FAAP100: variants seen among roughly 807,000 people sequenced by gnomAD.
FAAP100 encodes the protein Fanconi anemia core complex-associated protein 100.
In FAAP100, 46 loss-of-function variants were observed where a neutral mutation model predicts 65.8. That is an observed-to-expected ratio of 0.70 (90% CI 0.55 to 0.89). The LOEUF is 0.89. Ranked by LOEUF, FAAP100 falls within the 40% of genes least tolerant of loss-of-function variation. FAAP100 has a pLI of 0.00. For synonymous variants in FAAP100, 663 were observed against 555.1 expected, an observed-to-expected ratio of 1.19 and a Z score of -2.73; for missense variants, 1,165 against 1,196.7, an observed-to-expected ratio of 0.97 and a Z score of 0.39.
At chr17:81,541,015 TG>T in intron 8 of FAAP100, 65 bp from the exon 9 acceptor site, 2 of 1,481,614 alleles carry the variant, frequency 1.3e-6, no homozygotes. Context: ...TGGGTACCTC[TG>T]GGGGACCCAC....
intron 5 of FAAP100, 70 bp from the exon 6 acceptor site, chr17:81,545,952 G>T: frequency 6.5e-7 from 1 of 1,528,900 alleles, no homozygotes; most frequent in South Asian, 1.2e-5. Flanking sequence ...CCTACCAGGT[G>T]GGCATCTGCA....
At chr17:81,549,508 A>G in intron 3 of FAAP100, 146 bp from the exon 4 acceptor site, 1 of 1,076,132 alleles carries the variant, frequency 9.3e-7, no homozygotes, top group South Asian at 1.7e-5. Flanking sequence ...CCCAAGGCAA[A>G]TGCACTGTCC....
At chr17:81,545,611 C>T in intron 6 of FAAP100, 135 bp downstream of exon 6, 1 of 1,248,036 alleles carries the variant, frequency 8.0e-7, no homozygotes, top group Non-Finnish European at 1.1e-6. Flanking sequence ...ACTGTCATAT[C>T]AGAGTCCTCC....
At position 81,552,271 on chromosome 17, in the gene FAAP100, G is replaced by T; in HGVS notation, c.60C>A (p.Gly20=). The change falls in exon 1 of 9, where the codon GGC becomes GGA. Residue 20 remains glycine, a synonymous_variant. Transcript: ENST00000327787. ...YLAGFCCPLG[G]LAAGKPRVLC... ...GCACGCGGGGCTTGCCCGCCGCCAG[G>T]CCCCCGAGAGGGCAGCAGAAGCCCG... 6.8e-7 allele frequency: 1 copy of T among 1,477,430 alleles called. No individual in the cohort carries two copies. The highest frequency in any genetic ancestry group is 8.9e-7 in the Non-Finnish European group (1 of 1,121,298). The allele number at this position is 1,477,430 out of a possible 1,614,324, so 91.5% of individuals were successfully genotyped here.
At chr17:81,549,464 G>A (rs1247860365) in intron 3 of FAAP100, 102 bp from the exon 4 acceptor site, 20 of 1,402,492 alleles carry the variant, frequency 1.4e-5, no homozygotes, top group East Asian at 9.4e-5. Context: ...GTTGGAAGAC[G>A]GCCAAGGCCA....
chr17:81,551,755 G>C (rs1407651319), intron 2 of FAAP100, 173 bp downstream of exon 2: 1 of 1,366,216 alleles, frequency 7.3e-7, no homozygotes, highest in Non-Finnish European at 9.4e-7. Context: ...CAAGACACTT[G>C]CAGAAAGAGT....
At chr17:81,553,120 G>T, upstream of FAAP100, 1 of 170,524 alleles carries the variant, frequency 5.9e-6, no homozygotes. Flanking sequence ...CCTGCTCCAT[G>T]CCCGGAAGAG....
In FAAP100 at chr17:81,540,744, T is replaced by A; in HGVS notation, c.*75A>T. ...TCTGGCCAGGCCAGCTCGGTTTCCCTCTAACCCATGAGGCCTGGGGGGGCT... is the reference window on the plus strand; with the variant it reads ...TCTGGCCAGGCCAGCTCGGTTTCCCACTAACCCATGAGGCCTGGGGGGGCT... On this transcript the variant is annotated 3_prime_UTR_variant, in exon 9 of 9. Transcript: ENST00000327787. 1 of 1,429,598 alleles carries A rather than the reference T, an allele frequency of 7.0e-7. No homozygotes were observed. The highest frequency in any genetic ancestry group is 9.2e-7 in the Non-Finnish European group (1 of 1,091,790). 88.6% of individuals were successfully genotyped at this position (1,429,598 alleles called of 1,614,324 possible). A position where few individuals can be genotyped will look rare whatever the true frequency, so the allele number is the denominator to read the frequency against.
rs752002004 is a variant in FAAP100, at chr17:81,540,845, G to A, written c.2620C>T (p.Arg874Cys). 25 of 1,540,272 alleles carry A rather than the reference G, an allele frequency of 1.6e-5. No homozygotes were observed. The Admixed American group carries it at 2.0e-4, about 12-fold the overall frequency. The change falls in exon 9 of 9, where the codon CGC becomes TGC. Residue 874 changes from arginine (R) to cysteine (C), a missense_variant. Coordinates refer to ENST00000327787, the MANE Select transcript of FAAP100 (RefSeq NM_025161.6). The stretch of plus-strand genomic sequence containing the variant: ...CACAGCAGGATGAGGCTGGGGTGGC[G>A]CAGCTGCCGGTACACCTGTAGCAGC... ...QRLLQVYRQL[R>C]HPSLILL
intron 6 of FAAP100, among the ~76,000 whole-genome samples, chr17:81,545,268 C>T (rs1372785595): frequency 6.6e-6 from 1 of 152,258 alleles, no homozygotes; most frequent in Non-Finnish European, 1.5e-5. Flanking sequence ...CTGCAAGCGC[C>T]TTTGCTGGTG....
intron 6 of FAAP100, 139 bp downstream of exon 6, chr17:81,545,607 A>G (rs1038425182): frequency 1.6e-5 from 19 of 1,213,006 alleles, no homozygotes; most frequent in East Asian, 2.6e-5. Context: ...GGAAACTGTC[A>G]TATCAGAGTC....
chr17:81,551,164 G>C lies in FAAP100; in HGVS notation c.330C>G (p.Asp110Glu), dbSNP rs1275519517. 6.5e-7 allele frequency: 1 copy of C among 1,541,554 alleles called. No homozygotes were observed. Among genetic ancestry groups the C allele is most frequent in the East Asian group, 2.5e-5 (1 of 40,700 alleles). ...SQDDRDSEDG[D>E]QPSPVIPVDP... ...CCACAGGGATCACGGGGGAAGGCTGGTCACCGTCCTCGCTGTCCCTGTCAT... is the reference window on the plus strand; with the variant it reads ...CCACAGGGATCACGGGGGAAGGCTGCTCACCGTCCTCGCTGTCCCTGTCAT... The change falls in exon 3 of 9, where the codon GAC becomes GAG. Residue 110 changes from aspartate to glutamate, a missense_variant. Physicochemically the swap from Asp to Glu is conservative, Grantham distance 45. Coordinates refer to ENST00000327787, the MANE Select transcript of FAAP100 (RefSeq NM_025161.6).
At position 81,547,474 on chromosome 17, in the gene FAAP100, G is replaced by C; in HGVS notation, c.1608C>G (p.Ser536Arg). ...TCVLENSSSF[S>R]LDQGWTLCIQ... Reference sequence around the variant, plus strand: ...TGCACAGGGTCCACCCCTGGTCCAGGCTGAAGCTGCTGCTGTTCTCTAGCA... The same window carrying C: ...TGCACAGGGTCCACCCCTGGTCCAGCCTGAAGCTGCTGCTGTTCTCTAGCA... Residue 536 changes from serine (S) to arginine (R), a missense_variant, in exon 5 of 9, where the codon AGC becomes AGG. Transcript: ENST00000327787. 6.2e-7 allele frequency: 1 copy of C among 1,613,224 alleles called. No homozygotes were observed. Among genetic ancestry groups the C allele is most frequent in the Non-Finnish European group, 8.5e-7 (1 of 1,180,034 alleles).
rs1306711052 is a variant in FAAP100 at position 81,540,472 on chromosome 17, C to G, written c.*347G>C. ...CCCTCCGGGTCCAGAATGCCCTGCA[C>G]TGCCTCCTGGCCTCAGGGGCTGCTG... On this transcript the variant is annotated 3_prime_UTR_variant, in exon 9 of 9. Transcript: ENST00000327787. 4 of 407,344 alleles carry G rather than the reference C, an allele frequency of 9.8e-6. No individual in the cohort carries two copies. The highest frequency in any genetic ancestry group is 1.3e-5 in the Non-Finnish European group (3 of 231,010). The allele number at this position is 407,344 out of a possible 1,614,324, so 25.2% of individuals were successfully genotyped here. A position where few individuals can be genotyped will look rare whatever the true frequency, so the allele number is the denominator to read the frequency against.
At chr17:81,549,751 C>T (rs568656766) in intron 3 of FAAP100, among the ~76,000 whole-genome samples, 1 of 152,348 alleles carries the variant, frequency 6.6e-6, no homozygotes, top group African/African-American at 2.4e-5. Flanking sequence ...ACTGGGCACA[C>T]ACAGCTAAAA....
rs750739719 is a variant in FAAP100, at chr17:81,544,069, G to C, written c.2362C>G (p.Gln788Glu). 1.9e-6 allele frequency: 3 copies of C among 1,612,644 alleles called. No homozygotes were observed. The highest frequency in any genetic ancestry group is 2.5e-6 in the Non-Finnish European group (3 of 1,179,810). ...TCGGCCAGAGAGGAGCTTTCCACTTGAATCTCCACGGCCTGGATGGGCCCT... is the reference window on the plus strand; with the variant it reads ...TCGGCCAGAGAGGAGCTTTCCACTTCAATCTCCACGGCCTGGATGGGCCCT... ...PAGPIQAVEIQVESSSLADIC... is the reference protein window; with the variant it reads ...PAGPIQAVEIEVESSSLADIC... Residue 788 changes from glutamine to glutamate, a missense_variant, in exon 7 of 9, where the codon CAA becomes GAA. Transcript: ENST00000327787.
chr17:81,548,778 G>A (rs988806160), intron 4 of FAAP100, among the ~76,000 whole-genome samples: 6 of 151,526 alleles, frequency 4.0e-5, no homozygotes, highest in Admixed American at 6.6e-5. Flanking sequence ...GGTGGCTGAC[G>A]CCTGTAATTC....
intron 7 of FAAP100, among the ~76,000 whole-genome samples, chr17:81,542,200 A>ATT (rs1308357695): frequency 1.3e-3 from 36 of 27,240 alleles, no homozygotes; most frequent in African/African-American, 5.3e-3. Flanking sequence ...AAAAAAAAAA[A>ATT]ATATATATAT....
At chr17:81,551,675 C>T (rs1459358130) in intron 2 of FAAP100, 1 of 1,316,676 alleles carries the variant, frequency 7.6e-7, no homozygotes, top group African/African-American at 1.5e-5. Flanking sequence ...GCCACCAGGG[C>T]CCAAAGGACA....
Sources: allele counts gnomAD v4.1 joint callset (sites outside exome capture counted in the v4.1 genomes callset), GRCh38; gene constraint gnomAD v4.1.1; transcripts MANE v1.5; gene names NCBI Gene and HGNC (gene_info 2026-07-23, HGNC 2026-07-21).